CSMD3: variants seen among roughly 807,000 people sequenced by gnomAD.
CSMD3 encodes CUB and sushi domain-containing protein 3.
CSMD3 carries 177 observed loss-of-function variants against 435.2 expected under a neutral mutation model. That is an observed-to-expected ratio of 0.41 (90% CI 0.36 to 0.46). The LOEUF (loss-of-function observed/expected upper bound fraction) is 0.46, where lower values mean the gene tolerates loss of function less well. Ranked by LOEUF, CSMD3 falls within the 20% of genes least tolerant of loss-of-function variation. The pLI, the probability that CSMD3 is intolerant of heterozygous loss-of-function variation, is 0.34. For synonymous variants in CSMD3, 1,656 were observed against 1,520.5 expected, an observed-to-expected ratio of 1.09 and a Z score of -2.07; for missense variants, 4,265 against 4,504.6, an observed-to-expected ratio of 0.95 and a Z score of 1.52.
intron 47 of CSMD3, among the ~76,000 whole-genome samples, chr8:112,315,655 G>T (rs1273845429): frequency 1.3e-5 from 2 of 151,694 alleles, no homozygotes; most frequent in Non-Finnish European, 3.0e-5. Flanking sequence ...GAACATAATT[G>T]CTAACCAGTT....
chr8:112,927,667 T>C (rs2082953020), intron 9 of CSMD3, among the ~76,000 whole-genome samples: 1 of 152,112 alleles, frequency 6.6e-6, no homozygotes, highest in Non-Finnish European at 1.5e-5. Flanking sequence ...TATTACAAAG[T>C]ATTTCATCTC....
chr8:113,178,651 T>C (rs907309904), intron 3 of CSMD3, among the ~76,000 whole-genome samples: 4 of 151,916 alleles, frequency 2.6e-5, no homozygotes, highest in African/African-American at 4.8e-5. Flanking sequence ...AAGGCTTTAA[T>C]TGTGATCTGA....
At chr8:112,798,784 G>C (rs1317439341) in intron 13 of CSMD3, among the ~76,000 whole-genome samples, 2 of 151,770 alleles carry the variant, frequency 1.3e-5, no homozygotes, top group East Asian at 3.9e-4. Flanking sequence ...TAGATTTTCT[G>C]ACAGGTAACC....
intron 1 of CSMD3, among the ~76,000 whole-genome samples, chr8:113,355,770 G>GTGT (rs1554618984): frequency 9.6e-4 from 10 of 10,368 alleles, no homozygotes; most frequent in Non-Finnish European, 1.2e-3. Flanking sequence ...ACACACACGG[G>GTGT]GTGTGTGTGT....
intron 12 of CSMD3, among the ~76,000 whole-genome samples, chr8:112,815,094 T>TA (rs1012677029): frequency 1.1e-4 from 16 of 144,268 alleles, no homozygotes; most frequent in South Asian, 1.1e-3. Context: ...AAAGTTAAGT[T>TA]AAAAAAAAAA....
At chr8:112,699,459 T>G (rs965442603) in intron 13 of CSMD3, among the ~76,000 whole-genome samples, 19 of 152,026 alleles carry the variant, frequency 1.2e-4, no homozygotes, top group African/African-American at 4.3e-4. Flanking sequence ...AAATACAGAA[T>G]AAGTGGGGAA....
At chr8:112,385,665 C>A (rs180907887) in intron 36 of CSMD3, among the ~76,000 whole-genome samples, 3 of 152,192 alleles carry the variant, frequency 2.0e-5, no homozygotes, top group African/African-American at 7.2e-5. Flanking sequence ...GGAACCCAGA[C>A]GTCACATGTG....
At chr8:113,352,066 G>A (rs771638381) in intron 1 of CSMD3, among the ~76,000 whole-genome samples, 1 of 151,992 alleles carries the variant, frequency 6.6e-6, no homozygotes, top group African/African-American at 2.4e-5. Flanking sequence ...CATATTTCAG[G>A]ATTATTTCTT....
chr8:112,824,634 C>T (rs906714074), intron 12 of CSMD3, among the ~76,000 whole-genome samples: 3 of 152,172 alleles, frequency 2.0e-5, no homozygotes, highest in Non-Finnish European at 4.4e-5. Flanking sequence ...TATTGGCCCC[C>T]ATTCTCTTCT....
rs545960416 is a variant in CSMD3, at chr8:112,341,794, T to A, written c.6443-108A>T. The stretch of plus-strand genomic sequence containing the variant: ...GTACTTAGATAAGTTTGCATTTAAG[T>A]CAAGAGGCATAATCTCAAGATCTGA... On this transcript the variant is annotated intron_variant, in intron 41 of 70. Coordinates refer to ENST00000297405, the MANE Select transcript of CSMD3 (RefSeq NM_198123.2). 1.4e-4 allele frequency: 113 copies of A among 780,592 alleles called. 1 individual carries two copies. Among genetic ancestry groups the A allele is most frequent in the Non-Finnish European group, 2.2e-4 (98 of 455,204 alleles). The allele number at this position is 780,592 out of a possible 1,614,324, so 48.4% of individuals were successfully genotyped here.
intron 27 of CSMD3, among the ~76,000 whole-genome samples, chr8:112,519,134 C>A (rs1011619049): frequency 6.6e-6 from 1 of 152,010 alleles, no homozygotes; most frequent in African/African-American, 2.4e-5. Flanking sequence ...TGACACAGAG[C>A]CAAACCATAT....
intron 41 of CSMD3, among the ~76,000 whole-genome samples, chr8:112,342,587 G>T (rs747232276): frequency 6.6e-6 from 1 of 151,938 alleles, no homozygotes; most frequent in South Asian, 2.1e-4. Flanking sequence ...AAAGTGAGTC[G>T]CAGAGAAGTA....
chr8:112,829,391 A>G (rs1199818585), intron 12 of CSMD3, among the ~76,000 whole-genome samples: 2 of 152,134 alleles, frequency 1.3e-5, no homozygotes, highest in East Asian at 1.9e-4. Context: ...AAATCTGCTG[A>G]CACCTTAATC....
chr8:112,678,251 G>T (rs1257063400), intron 16 of CSMD3, among the ~76,000 whole-genome samples: 1 of 152,144 alleles, frequency 6.6e-6, no homozygotes, highest in Non-Finnish European at 1.5e-5. Flanking sequence ...GTGGCAGTTG[G>T]CTTCACCAAC....
chr8:113,092,140 C>G (rs954860067), intron 5 of CSMD3, among the ~76,000 whole-genome samples: 2 of 152,040 alleles, frequency 1.3e-5, no homozygotes, highest in Non-Finnish European at 2.9e-5. Context: ...CTTACAACCT[C>G]TGACATAAAG....
intron 16 of CSMD3, among the ~76,000 whole-genome samples, chr8:112,666,964 C>T (rs2131711625): frequency 6.6e-6 from 1 of 152,278 alleles, no homozygotes; most frequent in Non-Finnish European, 1.5e-5. Context: ...ATTTCCTAGA[C>T]ATCTAGCCCC....
chr8:112,792,663 T>C (rs537280003), intron 13 of CSMD3, among the ~76,000 whole-genome samples: 3 of 152,292 alleles, frequency 2.0e-5, no homozygotes, highest in African/African-American at 7.2e-5. Flanking sequence ...ATTCCAAAAG[T>C]TGTATAGCTT....
chr8:113,020,917 C>T (rs1164584222), intron 5 of CSMD3, among the ~76,000 whole-genome samples: 1 of 152,136 alleles, frequency 6.6e-6, no homozygotes, highest in African/African-American at 2.4e-5. Context: ...TCATCTTTAT[C>T]CCTGAAAACC....
chr8:112,609,600 T>C (rs1018110526), intron 22 of CSMD3, among the ~76,000 whole-genome samples: 5 of 152,204 alleles, frequency 3.3e-5, no homozygotes, highest in African/African-American at 1.2e-4. Flanking sequence ...TAGAAAACAG[T>C]AGGGAGGTTC....
Sources: allele counts gnomAD v4.1 joint callset (sites outside exome capture counted in the v4.1 genomes callset), GRCh38; gene constraint gnomAD v4.1.1; transcripts MANE v1.5; gene names NCBI Gene and HGNC (gene_info 2026-07-23, HGNC 2026-07-21).